EYS: variants seen among roughly 807,000 people sequenced by gnomAD.
The protein encoded by EYS is protein eyes shut homolog.
EYS carries 250 observed loss-of-function variants against 282.1 expected under a neutral mutation model. The ratio of observed to expected loss-of-function variants is 0.89; its 90% CI spans 0.80 to 0.98. EYS has a LOEUF of 0.98. Among genes scored for constraint, EYS ranks in the 50% least tolerant of loss-of-function variants. The pLI, the probability that EYS is intolerant of heterozygous loss-of-function variation, is 0.00. For synonymous variants in EYS, 1,355 were observed against 1,282.9 expected (o/e 1.06, Z -1.20); for missense variants, 4,016 against 3,709.0 (o/e 1.08, Z -2.15).
chr6:64,572,867 A>G (rs1027985914), intron 26 of EYS, among the ~76,000 whole-genome samples: 1 of 152,192 alleles, frequency 6.6e-6, no homozygotes, highest in Non-Finnish European at 1.5e-5. Flanking sequence ...TATAGATTCA[A>G]TGCTGTCCCT....
chr6:64,942,389 T>C (rs2150093643), intron 15 of EYS, among the ~76,000 whole-genome samples: 1 of 142,858 alleles, frequency 7.0e-6, no homozygotes, highest in African/African-American at 2.6e-5. Context: ...TGAACAAAAT[T>C]AAGACCCCAA....
chr6:63,980,464 G>A (rs1452607716), intron 35 of EYS, among the ~76,000 whole-genome samples: 1 of 151,792 alleles, frequency 6.6e-6, no homozygotes, highest in Non-Finnish European at 1.5e-5. Flanking sequence ...TGTATTTTGA[G>A]AGAAGCAAGC....
intron 2 of EYS, among the ~76,000 whole-genome samples, chr6:65,577,400 CTCTCA>C (rs1764710865): frequency 6.6e-6 from 1 of 151,780 alleles, no homozygotes; most frequent in South Asian, 2.1e-4. Flanking sequence ...TGAAGTTAGA[CTCTCA>C]TCTCTATCTA....
chr6:64,018,017 C>T (rs986139889), intron 33 of EYS, among the ~76,000 whole-genome samples: 3 of 152,134 alleles, frequency 2.0e-5, no homozygotes, highest in Non-Finnish European at 4.4e-5. Context: ...AGCATTTCTA[C>T]CTCCATTTTA....
At position 64,774,909 on chromosome 6, in the gene EYS, C is replaced by T. The variant is rs374171577; in HGVS notation, c.3443+38469G>A. ...TTTCTTCTGGCACTAAATTAGAGTG[C>T]TATAAAATATTTGTATTTGCAACTA... On this transcript the variant is annotated intron_variant, in intron 22 of 42. Transcript: ENST00000503581. Among the ~76,000 whole-genome samples the T allele has an allele frequency of 1.2e-4, 18 of 152,080 alleles. No individual in the cohort carries two copies. The South Asian group carries it at 1.2e-3, about 11-fold the overall frequency.
chr6:63,761,476 C>A (rs1027825115), intron 41 of EYS, among the ~76,000 whole-genome samples: 1 of 151,894 alleles, frequency 6.6e-6, no homozygotes, highest in African/African-American at 2.4e-5. Context: ...GACAGTTAAA[C>A]CTAAGTAGAA....
At chr6:63,770,017 T>G (rs1380228126) in intron 40 of EYS, among the ~76,000 whole-genome samples, 1 of 151,990 alleles carries the variant, frequency 6.6e-6, no homozygotes, top group African/African-American at 2.4e-5. Context: ...GAAAACATGG[T>G]CTTGTTCCCC....
chr6:63,908,031 T>TATAC (rs1491523191), intron 35 of EYS, among the ~76,000 whole-genome samples: 12 of 50,188 alleles, frequency 2.4e-4, no homozygotes, highest in African/African-American at 9.3e-4. Flanking sequence ...TATATATATA[T>TATAC]ACGTTTGTGT....
chr6:63,973,020 T>C (rs1437482986), intron 35 of EYS, among the ~76,000 whole-genome samples: 3 of 151,954 alleles, frequency 2.0e-5, no homozygotes, highest in Non-Finnish European at 1.5e-5. Context: ...GTCTTTATAG[T>C]AGCATGATTT....
intron 12 of EYS, among the ~76,000 whole-genome samples, chr6:65,261,654 A>C (rs2150258544): frequency 6.6e-6 from 1 of 152,208 alleles, no homozygotes; most frequent in South Asian, 2.1e-4. Flanking sequence ...AATTGTTAAA[A>C]ATTTTAAGGT....
At chr6:64,747,909 T>A (rs1464142310) in intron 22 of EYS, among the ~76,000 whole-genome samples, 2 of 152,208 alleles carry the variant, frequency 1.3e-5, no homozygotes, top group African/African-American at 4.8e-5. Context: ...TCACTTAAAT[T>A]AAAATTCTGT....
intron 22 of EYS, among the ~76,000 whole-genome samples, chr6:64,808,277 C>T (rs1158230773): frequency 6.6e-6 from 1 of 152,088 alleles, no homozygotes; most frequent in Non-Finnish European, 1.5e-5. Flanking sequence ...ATGGTAGCAA[C>T]ATCAGAGTTT....
In EYS at chr6:64,905,869, G is replaced by A. The variant is rs544926340; in HGVS notation, c.2642-3369C>T. 2.8e-4 allele frequency among the ~76,000 whole-genome samples: 42 copies of A among 151,880 alleles called. No homozygotes were observed. In the South Asian group the frequency reaches 4.0e-3, roughly 14 times the overall value. ...GAATAATTTGAAATGAATGTAAATA[G>A]GGAAAAAAACTAGTGTATACCATAG... is the stretch of plus-strand genomic sequence containing the variant. On this transcript the variant is annotated intron_variant, in intron 16 of 42. Coordinates refer to ENST00000503581, the MANE Select transcript of EYS (RefSeq NM_001142800.2).
intron 2 of EYS, among the ~76,000 whole-genome samples, chr6:65,629,298 G>T (rs1766830086): frequency 6.6e-6 from 1 of 152,074 alleles, no homozygotes. Flanking sequence ...AATCTTTAAG[G>T]GGGTTATTCT....
At chr6:64,921,943 G>T (rs770791643) in intron 15 of EYS, among the ~76,000 whole-genome samples, 1 of 151,538 alleles carries the variant, frequency 6.6e-6, no homozygotes, top group Non-Finnish European at 1.5e-5. Context: ...GGAAACTGAT[G>T]AAAAATTTTA....
At chr6:65,662,011 T>G (rs1768021907) in intron 1 of EYS, among the ~76,000 whole-genome samples, 1 of 152,080 alleles carries the variant, frequency 6.6e-6, no homozygotes, top group South Asian at 2.1e-4. Context: ...CACCAGAGAT[T>G]AGACAGTAGG....
intron 31 of EYS, among the ~76,000 whole-genome samples, chr6:64,193,475 T>C (rs1765180056): frequency 6.6e-6 from 1 of 151,942 alleles, no homozygotes; most frequent in Non-Finnish European, 1.5e-5. Flanking sequence ...CATGCCCGGC[T>C]AATCTTTTTT....
chr6:64,872,101 G>T (rs1487638269), intron 19 of EYS, among the ~76,000 whole-genome samples: 2 of 151,910 alleles, frequency 1.3e-5, no homozygotes, highest in African/African-American at 2.4e-5. Context: ...TTATATAGTA[G>T]CCAGGTAAAT....
At chr6:64,058,440 A>G (rs753093701) in intron 33 of EYS, among the ~76,000 whole-genome samples, 5 of 152,208 alleles carry the variant, frequency 3.3e-5, no homozygotes, top group Non-Finnish European at 7.3e-5. Flanking sequence ...TAAGGCAGGA[A>G]TCAAATACTC....
Sources: allele counts gnomAD v4.1 joint callset (sites outside exome capture counted in the v4.1 genomes callset), GRCh38; gene constraint gnomAD v4.1.1; transcripts MANE v1.5; gene names NCBI Gene and HGNC (gene_info 2026-07-23, HGNC 2026-07-21).